The following MAF variants were observed in gnomAD, a reference collection of about 807,000 sequenced individuals.
MAF encodes transcription factor Maf.
In MAF, 10 loss-of-function variants were observed where a neutral mutation model predicts 22.0. The ratio of observed to expected loss-of-function variants is 0.45; its 90% CI spans 0.28 to 0.77. MAF has a LOEUF of 0.77. Ranked by LOEUF, MAF falls within the 30% of genes least tolerant of loss-of-function variation. The pLI, the probability that MAF is intolerant of heterozygous loss-of-function variation, is 0.12. For synonymous variants in MAF, 337 were observed against 255.8 expected (o/e 1.32, Z -3.03); for missense variants, 544 against 548.4 (o/e 0.99, Z 0.08).
the MAF span, among the ~76,000 whole-genome samples, chr16:79,216,664 G>C: frequency 6.6e-6 from 1 of 152,070 alleles, no homozygotes; most frequent in Non-Finnish European, 1.5e-5. Flanking sequence ...AATACATTAG[G>C]TGTATTAAAT....
the MAF span, chr16:79,203,505 T>C: frequency 3.3e-5 from 5 of 151,890 alleles, no homozygotes; most frequent in African/African-American, 7.3e-5. Flanking sequence ...GTTTTTTTTT[T>C]TTTTTTTCTT....
the MAF span, among the ~76,000 whole-genome samples, chr16:79,259,199 C>T: frequency 6.6e-6 from 1 of 152,166 alleles, no homozygotes; most frequent in Non-Finnish European, 1.5e-5. Context: ...CTTACCTTCT[C>T]CCTTCCTGGC....
the MAF span, among the ~76,000 whole-genome samples, chr16:79,289,824 A>C: frequency 6.7e-6 from 1 of 149,018 alleles, no homozygotes; most frequent in Admixed American, 6.7e-5. Flanking sequence ...CCCCTCAGGG[A>C]TGAACAAAAG....
chr16:79,525,673 A>G, the MAF span, among the ~76,000 whole-genome samples: 1 of 152,284 alleles, frequency 6.6e-6, no homozygotes, highest in Admixed American at 6.5e-5. Flanking sequence ...CATTTAAACA[A>G]AAACACACCT....
At chr16:79,400,222 G>A in the MAF span, among the ~76,000 whole-genome samples, 2 of 152,218 alleles carry the variant, frequency 1.3e-5, no homozygotes, top group African/African-American at 4.8e-5. Flanking sequence ...AATATCAGGA[G>A]TGCCACAGTT....
chr16:79,234,384 A>G, the MAF span, among the ~76,000 whole-genome samples: 12 of 152,170 alleles, frequency 7.9e-5, no homozygotes, highest in Admixed American at 7.9e-4. Context: ...TATGTTCAAT[A>G]TCTTATAAAA....
the MAF span, chr16:79,212,161 C>A: frequency 6.7e-7 from 1 of 1,494,694 alleles, no homozygotes; most frequent in South Asian, 1.3e-5. Context: ...CCAGCTACCA[C>A]CACGGCCACC....
At chr16:79,578,272 G>T in the MAF span, among the ~76,000 whole-genome samples, 3 of 151,720 alleles carry the variant, frequency 2.0e-5, no homozygotes, top group Non-Finnish European at 4.4e-5. Context: ...TATTTTATTG[G>T]TATGCTTTGG....
chr16:79,543,577 C>A, the MAF span, among the ~76,000 whole-genome samples: 1 of 152,216 alleles, frequency 6.6e-6, no homozygotes, highest in Non-Finnish European at 1.5e-5. Context: ...TGTCTCAATG[C>A]CCCACGTTCT....
At chr16:79,354,915 GA>G in the MAF span, among the ~76,000 whole-genome samples, 1 of 152,156 alleles carries the variant, frequency 6.6e-6, no homozygotes, top group East Asian at 1.9e-4. Flanking sequence ...TGTCAGATTA[GA>G]AGGAAAAAAT....
chr16:79,482,865 T>G, the MAF span, among the ~76,000 whole-genome samples: 1 of 30,872 alleles, frequency 3.2e-5, no homozygotes, highest in Admixed American at 3.9e-4. Context: ...CCTCCCTCCC[T>G]CCCTCTCCTC....
the MAF span, among the ~76,000 whole-genome samples, chr16:79,300,753 A>T: frequency 6.6e-6 from 1 of 150,964 alleles, no homozygotes; most frequent in Non-Finnish European, 1.5e-5. Flanking sequence ...ACATTTTATT[A>T]TATGTTATCT....
At chr16:79,597,414 A>C (rs1913598773) in intron 1 of MAF, 1 of 1,031,190 alleles carries the variant, frequency 9.7e-7, no homozygotes, top group African/African-American at 1.7e-5. Flanking sequence ...TCTCTTTTTA[A>C]AAAATAAATT....
chr16:79,337,554 C>T, the MAF span, among the ~76,000 whole-genome samples: 3 of 110,184 alleles, frequency 2.7e-5, no homozygotes, highest in South Asian at 6.9e-4. Flanking sequence ...GATGACAGAG[C>T]GAGATTCCGT....
chr16:79,381,503 G>A, the MAF span, among the ~76,000 whole-genome samples: 4 of 152,326 alleles, frequency 2.6e-5, no homozygotes, highest in Admixed American at 6.5e-5. Context: ...AAGAAAGAGC[G>A]CTGTGGTTCT....
At chr16:79,513,858 A>T in the MAF span, among the ~76,000 whole-genome samples, 1 of 152,172 alleles carries the variant, frequency 6.6e-6, no homozygotes, top group Non-Finnish European at 1.5e-5. Context: ...GCTGTGTCCC[A>T]TGCAAACTTT....
At chr16:79,417,082 T>C in the MAF span, among the ~76,000 whole-genome samples, 2 of 152,188 alleles carry the variant, frequency 1.3e-5, no homozygotes, top group African/African-American at 4.8e-5. Flanking sequence ...AGGGTATTTT[T>C]TATGCCTTCT....
chr16:79,543,234 C>G, the MAF span, among the ~76,000 whole-genome samples: 1 of 152,218 alleles, frequency 6.6e-6, no homozygotes, highest in Non-Finnish European at 1.5e-5. Flanking sequence ...CTAGCTGGGT[C>G]TGTCCATATG....
chr16:79,444,713 G>A, the MAF span, among the ~76,000 whole-genome samples: 3 of 152,194 alleles, frequency 2.0e-5, no homozygotes, highest in Admixed American at 1.3e-4. Context: ...GTTTCTGGGT[G>A]CAGGGCTCCA....
Sources: gnomAD v4.1 joint callset for allele counts (sites outside exome capture counted in the v4.1 genomes callset) on GRCh38, gnomAD v4.1.1 for gene constraint, MANE v1.5 for transcripts, NCBI Gene and HGNC (gene_info 2026-07-23, HGNC 2026-07-21) for gene names.